The following FRAS1 variants were observed in gnomAD, a reference collection of about 807,000 sequenced individuals.
FRAS1 encodes extracellular matrix organizing protein FRAS1.
Under a neutral mutation model 435.2 loss-of-function variants are expected in FRAS1, and 290 were observed. The observed-to-expected ratio is 0.67, with a 90% confidence interval of 0.61 to 0.73. The LOEUF (loss-of-function observed/expected upper bound fraction) is 0.73. FRAS1 is among the 30% of genes least tolerant of loss of function. The pLI is 0.00. For synonymous variants in FRAS1, 1,800 were observed against 1,851.0 expected (o/e 0.97, Z 0.71); for missense variants, 4,860 against 5,001.5 (o/e 0.97, Z 0.85).
At chr4:78,404,996 G>A (rs1056190540) in intron 30 of FRAS1, among the ~76,000 whole-genome samples, 1 of 152,314 alleles carries the variant, frequency 6.6e-6, no homozygotes. Flanking sequence ...GGTAGGAGCT[G>A]CATGTGGCCT....
intron 2 of FRAS1, among the ~76,000 whole-genome samples, chr4:78,140,679 A>G (rs1048884655): frequency 4.3e-5 from 6 of 139,586 alleles, no homozygotes; most frequent in Non-Finnish European, 8.9e-5. Context: ...GTGTATATGT[A>G]TATGCATATA....
chr4:78,410,409 A>G (rs2110356819), intron 31 of FRAS1, among the ~76,000 whole-genome samples: 1 of 150,808 alleles, frequency 6.6e-6, no homozygotes, highest in African/African-American at 2.4e-5. Flanking sequence ...AAAATAAAAA[A>G]TAAAAATAAA....
At chr4:78,499,274 T>C (rs529232375) in intron 60 of FRAS1, among the ~76,000 whole-genome samples, 5 of 152,296 alleles carry the variant, frequency 3.3e-5, no homozygotes, top group South Asian at 2.1e-4. Context: ...TTAAGTAGTA[T>C]ATAAATGAGA....
intron 59 of FRAS1, 77 bp downstream of exon 59, chr4:78,489,157 A>C: frequency 7.3e-7 from 1 of 1,370,964 alleles, no homozygotes; most frequent in East Asian, 2.4e-5. Context: ...CATTTATATA[A>C]ATTCCAAAAA....
intron 2 of FRAS1, among the ~76,000 whole-genome samples, chr4:78,156,287 C>T: frequency 6.6e-6 from 1 of 151,034 alleles, no homozygotes; most frequent in East Asian, 1.9e-4. Context: ...ATGTCCATAT[C>T]TGAACATGTG....
chr4:78,181,710 G>C, intron 2 of FRAS1: 2 of 1,609,798 alleles, frequency 1.2e-6, no homozygotes, highest in South Asian at 1.1e-5. Flanking sequence ...TGTTGATCAG[G>C]TCTTCTTCCA....
chr4:78,339,182 T>C (rs62309892), intron 20 of FRAS1, among the ~76,000 whole-genome samples: 3 of 152,182 alleles, frequency 2.0e-5, no homozygotes, highest in Admixed American at 6.5e-5. Flanking sequence ...AAAGAGAATC[T>C]GGGGATGGAA....
intron 64 of FRAS1, among the ~76,000 whole-genome samples, chr4:78,512,460 A>G (rs899167616): frequency 1.3e-5 from 2 of 152,224 alleles, no homozygotes; most frequent in South Asian, 2.1e-4. Context: ...AGAGACAAGT[A>G]TATAAACTCA....
At chr4:78,275,461 C>G (rs1174516271) in intron 9 of FRAS1, among the ~76,000 whole-genome samples, 1 of 152,254 alleles carries the variant, frequency 6.6e-6, no homozygotes, top group East Asian at 1.9e-4. Context: ...ACCGGTTGTT[C>G]CTTTCCATGT....
At chr4:78,415,322 A>G (rs2110363087) in intron 32 of FRAS1, among the ~76,000 whole-genome samples, 1 of 152,326 alleles carries the variant, frequency 6.6e-6, no homozygotes, top group South Asian at 2.1e-4. Context: ...TAAGGAACTT[A>G]CTCATGTAAC....
At chr4:78,123,262 G>C (rs1229132806) in intron 2 of FRAS1, among the ~76,000 whole-genome samples, 1 of 152,172 alleles carries the variant, frequency 6.6e-6, no homozygotes, top group South Asian at 2.1e-4. Context: ...TTATGTGTCA[G>C]GTTTGTCAAA....
intron 17 of FRAS1, among the ~76,000 whole-genome samples, chr4:78,317,722 T>C (rs879734621): frequency 1.1e-4 from 17 of 152,236 alleles, no homozygotes; most frequent in African/African-American, 3.4e-4. Context: ...CAAAGTGTTA[T>C]GATTTTTTTT....
At chr4:78,426,178 G>A (rs560745263) in intron 35 of FRAS1, among the ~76,000 whole-genome samples, 14 of 152,320 alleles carry the variant, frequency 9.2e-5, no homozygotes, top group African/African-American at 1.7e-4. Context: ...TAGAGCATGA[G>A]CATGGAATAG....
chr4:78,169,965 T>C (rs1054089090), intron 2 of FRAS1, among the ~76,000 whole-genome samples: 17 of 152,172 alleles, frequency 1.1e-4, no homozygotes, highest in Non-Finnish European at 2.2e-4. Context: ...ATAGTAATAT[T>C]GATCTAAGTA....
rs368173429 is a variant in FRAS1, at chr4:78,267,325, C to A, written c.874C>A (p.Arg292=). 1.9e-6 allele frequency: 3 copies of A among 1,613,484 alleles called. No homozygotes were observed. The highest frequency in any genetic ancestry group is 1.7e-6 in the Non-Finnish European group (2 of 1,179,746). Residue 292 remains arginine (R), a synonymous_variant, in exon 9 of 74, where the codon CGG becomes AGG. Transcript: ENST00000512123. ...AGSCSYDGVV[R]YQDEMWKGSA... is the part of the protein sequence containing the mutation. ...GAGCTGCTCCTATGATGGAGTTGTG[C>A]GGTACCAGGACGAAATGTGGAAGGG...
chr4:78,117,906 C>T (rs955478967), intron 2 of FRAS1, among the ~76,000 whole-genome samples: 4 of 152,220 alleles, frequency 2.6e-5, no homozygotes, highest in Non-Finnish European at 5.9e-5. Flanking sequence ...GAGAGGTTGT[C>T]TGATTTTTAG....
chr4:78,374,558 T>C (rs1026032864), intron 25 of FRAS1, among the ~76,000 whole-genome samples: 10 of 152,166 alleles, frequency 6.6e-5, no homozygotes, highest in African/African-American at 2.4e-4. Flanking sequence ...CCATTAAGAG[T>C]GGATCAGCCC....
At position 78,261,081 on chromosome 4, in the gene FRAS1, C is replaced by G. The variant is rs143436434; in HGVS notation, c.604-3944C>G. On this transcript the variant is annotated intron_variant, in intron 6 of 73. Transcript: ENST00000512123. ...CTTCTCTTTATAAATCATGTTCTCT[C>G]TCATCATTTTTCACTGTGCCTTTCC... Among the ~76,000 whole-genome samples the G allele has an allele frequency of 4.2e-3, 644 of 152,008 alleles. 3 individuals carry two copies. Among genetic ancestry groups the G allele is most frequent in the Non-Finnish European group, 6.6e-3 (452 of 67,986 alleles).
chr4:78,300,288 A>T (rs1728323369), intron 14 of FRAS1, among the ~76,000 whole-genome samples: 1 of 152,226 alleles, frequency 6.6e-6, no homozygotes, highest in Non-Finnish European at 1.5e-5. Flanking sequence ...CCTTAAACTT[A>T]TCCTGCATAT....
Sources: gnomAD v4.1 joint callset for allele counts (sites outside exome capture counted in the v4.1 genomes callset) on GRCh38, gnomAD v4.1.1 for gene constraint, MANE v1.5 for transcripts, NCBI Gene and HGNC (gene_info 2026-07-23, HGNC 2026-07-21) for gene names.